Variants in CA10 observed in about 807,000 individuals in gnomAD.
CA10 encodes the protein carbonic anhydrase 10 (inactive).
In CA10, 14 loss-of-function variants were observed where a neutral mutation model predicts 44.2. That is an observed-to-expected ratio of 0.32 (90% confidence interval 0.21 to 0.50). CA10 has a LOEUF of 0.50. Among genes scored for constraint, CA10 ranks in the 20% least tolerant of loss-of-function variants. The pLI is 0.99. For missense variants in CA10, 350 were observed against 409.7 expected (o/e 0.85, Z 1.26); for synonymous variants, 159 against 141.6 (o/e 1.12, Z -0.87).
intron 2 of CA10, among the ~76,000 whole-genome samples, chr17:51,959,308 G>C (rs1325603623): frequency 2.7e-5 from 4 of 149,972 alleles, no homozygotes; most frequent in African/African-American, 7.4e-5. Flanking sequence ...GTGTGTGTGT[G>C]TGTGTGTGTG....
At chr17:52,107,594 A>G (rs1041897018) in intron 1 of CA10, among the ~76,000 whole-genome samples, 2 of 152,160 alleles carry the variant, frequency 1.3e-5, no homozygotes, top group African/African-American at 4.8e-5. Context: ...TTCTAGATGG[A>G]GATTTATTGC....
chr17:51,912,361 A>C (rs565852232), intron 3 of CA10, among the ~76,000 whole-genome samples: 1 of 152,198 alleles, frequency 6.6e-6, no homozygotes, highest in Non-Finnish European at 1.5e-5. Context: ...AGGCTCAAGG[A>C]GGTAAAGTAA....
At chr17:52,055,893 A>G (rs1987214384) in intron 2 of CA10, among the ~76,000 whole-genome samples, 1 of 152,120 alleles carries the variant, frequency 6.6e-6, no homozygotes, top group Non-Finnish European at 1.5e-5. Context: ...AAAGCATAAA[A>G]GTATTTATAA....
intron 2 of CA10, among the ~76,000 whole-genome samples, chr17:51,946,600 A>G (rs1021314251): frequency 6.6e-6 from 1 of 152,072 alleles, no homozygotes; most frequent in Non-Finnish European, 1.5e-5. Context: ...CCATCACACC[A>G]TGTCCCTCAC....
intron 4 of CA10, among the ~76,000 whole-genome samples, chr17:51,738,064 C>T (rs1463715589): frequency 6.6e-6 from 1 of 152,164 alleles, no homozygotes; most frequent in Non-Finnish European, 1.5e-5. Flanking sequence ...AACCATAAAT[C>T]TAAGGCTTCC....
chr17:52,069,590 T>A (rs187291414), intron 2 of CA10, among the ~76,000 whole-genome samples: 30 of 152,322 alleles, frequency 2.0e-4, no homozygotes, highest in Non-Finnish European at 3.8e-4. Flanking sequence ...TGGCTTATCT[T>A]CCTCTTTAGA....
At chr17:51,844,826 T>C (rs1402850715) in intron 3 of CA10, among the ~76,000 whole-genome samples, 1 of 152,146 alleles carries the variant, frequency 6.6e-6, no homozygotes, top group African/African-American at 2.4e-5. Flanking sequence ...GTGGATTGCA[T>C]AGAAACACCC....
At chr17:51,747,571 C>A in intron 4 of CA10, 62 bp downstream of exon 4, 2 of 1,394,986 alleles carry the variant, frequency 1.4e-6, no homozygotes, top group Non-Finnish European at 9.8e-7. Context: ...ATCTTGGACA[C>A]AAACAGGCAC....
At chr17:52,073,616 C>G (rs1987742974) in intron 1 of CA10, among the ~76,000 whole-genome samples, 1 of 152,094 alleles carries the variant, frequency 6.6e-6, no homozygotes, top group South Asian at 2.1e-4. Context: ...AAAATAACAC[C>G]TTTAAATTTG....
chr17:52,145,826 C>T (rs1160661564), intron 1 of CA10, among the ~76,000 whole-genome samples: 1 of 152,082 alleles, frequency 6.6e-6, no homozygotes, highest in Non-Finnish European at 1.5e-5. Flanking sequence ...ACATTACTTT[C>T]AGATATAATA....
Position 52,027,278 on chromosome 17 carries a change from G to T in CA10, c.136+45041C>A, listed in dbSNP as rs190879340. Among the ~76,000 whole-genome samples the T allele has an allele frequency of 1.2e-3, 184 of 152,182 alleles. 3 individuals carry two copies. The South Asian group carries it at 0.022, about 18-fold the overall frequency. On this transcript the variant is annotated intron_variant, in intron 2 of 8. Transcript: ENST00000451037. ...GTCATGGGGAGTGGCTGTAAATGCA[G>T]ATGAAGCTTCCCTCACTCACCTGTT...
intron 3 of CA10, among the ~76,000 whole-genome samples, chr17:51,847,697 T>G (rs1978557707): frequency 6.6e-6 from 1 of 152,188 alleles, no homozygotes; most frequent in Admixed American, 6.5e-5. Flanking sequence ...TTGTGCAGCA[T>G]GCTGGGGTAA....
chr17:51,630,358 C>CCAAA lies in CA10; in HGVS notation c.*1222_*1225dup, dbSNP rs1260143342. The CCAAA allele has an allele frequency of 1.3e-5, 2 of 152,612 alleles. No homozygotes were observed. Among genetic ancestry groups the CCAAA allele is most frequent in the African/African-American group, 4.8e-5 (2 of 41,434 alleles). The allele number at this position is 152,612 out of a possible 1,614,324, so 9.5% of individuals were successfully genotyped here. A position where few individuals can be genotyped will look rare whatever the true frequency, so the allele number is the denominator to read the frequency against. On this transcript the variant is annotated 3_prime_UTR_variant, in exon 9 of 9. Coordinates refer to ENST00000451037, the MANE Select transcript of CA10 (RefSeq NM_020178.5). ...ACATTTATTGATTTCTTGACAGTAACCAAACACAGTGAGTGACCATTATAA... is the reference window on the plus strand; with the variant it reads ...ACATTTATTGATTTCTTGACAGTAACCAAACAAACACAGTGAGTGACCATTATAA...
intron 2 of CA10, among the ~76,000 whole-genome samples, chr17:52,071,810 C>T (rs533014697): frequency 9.9e-5 from 15 of 152,204 alleles, no homozygotes; most frequent in East Asian, 3.9e-4. Flanking sequence ...TGCTTCTGAA[C>T]GAAAGTCATA....
At chr17:51,750,970 G>T (rs1263984) in intron 3 of CA10, among the ~76,000 whole-genome samples, 58,417 of 152,080 alleles carry the variant, frequency 0.38, 12,867 homozygotes, top group Middle Eastern at 0.51. Flanking sequence ...GCACAAGTAG[G>T]TGGAAAAATC....
intron 3 of CA10, among the ~76,000 whole-genome samples, chr17:51,816,860 T>C (rs1180100688): frequency 6.6e-6 from 1 of 152,118 alleles, no homozygotes; most frequent in Non-Finnish European, 1.5e-5. Flanking sequence ...AAATATTGAG[T>C]TGCTGCTCTT....
intron 3 of CA10, among the ~76,000 whole-genome samples, chr17:51,887,689 G>A (rs1003368908): frequency 1.3e-4 from 19 of 151,994 alleles, no homozygotes; most frequent in East Asian, 3.9e-4. Flanking sequence ...TTGGCTGGGC[G>A]CAGTGGCTCA....
At chr17:51,998,432 T>G (rs561353880) in intron 2 of CA10, among the ~76,000 whole-genome samples, 2 of 152,190 alleles carry the variant, frequency 1.3e-5, no homozygotes, top group African/African-American at 4.8e-5. Flanking sequence ...TAACTTTACT[T>G]TCTTTTAATG....
At chr17:51,683,315 A>G (rs561598054) in intron 4 of CA10, among the ~76,000 whole-genome samples, 6 of 152,316 alleles carry the variant, frequency 3.9e-5, no homozygotes, top group Non-Finnish European at 7.3e-5. Flanking sequence ...CTGGAGTCCA[A>G]GGACTGAGTT....
Sources: allele counts gnomAD v4.1 joint callset (sites outside exome capture counted in the v4.1 genomes callset), GRCh38; gene constraint gnomAD v4.1.1; transcripts MANE v1.5; gene names NCBI Gene and HGNC (gene_info 2026-07-23, HGNC 2026-07-21).